The following EBF2 variants were observed in gnomAD, a reference collection of about 807,000 sequenced individuals.
EBF2 encodes the protein transcription factor COE2.
In EBF2, 21 loss-of-function variants were observed where a neutral mutation model predicts 72.8. The observed-to-expected ratio is 0.29, with a 90% CI of 0.20 to 0.42. The LOEUF (loss-of-function observed/expected upper bound fraction) is 0.42, where lower values mean the gene tolerates loss of function less well. Among genes scored for constraint, EBF2 ranks in the 10% least tolerant of loss-of-function variants. The pLI is 1.00. For missense variants in EBF2, 637 were observed against 731.2 expected (o/e 0.87, Z 1.49); for synonymous variants, 299 against 274.2 (o/e 1.09, Z -0.89).
At chr8:25,908,081 A>G (rs1452834260) in intron 7 of EBF2, among the ~76,000 whole-genome samples, 1 of 152,166 alleles carries the variant, frequency 6.6e-6, no homozygotes, top group Non-Finnish European at 1.5e-5. Context: ...TGAATAGTTA[A>G]TCGGTGGAAA....
At chr8:25,875,462 G>A (rs75936051) in intron 10 of EBF2, among the ~76,000 whole-genome samples, 3,236 of 152,234 alleles carry the variant, frequency 0.021, 138 homozygotes, top group Admixed American at 0.097. Context: ...CCCAGCGCCA[G>A]GTTCTCTCAA....
chr8:25,995,849 T>C (rs1200900586), intron 6 of EBF2, among the ~76,000 whole-genome samples: 1 of 151,888 alleles, frequency 6.6e-6, no homozygotes, highest in Non-Finnish European at 1.5e-5. Context: ...ATATTAATAA[T>C]ACATAGTAAT....
chr8:26,025,543 A>C (rs1044200119), intron 6 of EBF2, among the ~76,000 whole-genome samples: 1 of 152,136 alleles, frequency 6.6e-6, no homozygotes, highest in Non-Finnish European at 1.5e-5. Context: ...GTAATTCTTA[A>C]ATACTAACCC....
At chr8:25,984,879 A>G (rs948616234) in intron 6 of EBF2, among the ~76,000 whole-genome samples, 1 of 151,974 alleles carries the variant, frequency 6.6e-6, no homozygotes, top group African/African-American at 2.4e-5. Flanking sequence ...GTGTTCTCAA[A>G]GATTTTTATC....
chr8:25,889,977 G>A, intron 7 of EBF2, 108 bp from the exon 8 acceptor site: 1 of 885,320 alleles, frequency 1.1e-6, no homozygotes, highest in Non-Finnish European at 1.9e-6. Context: ...TTGGCAAAGG[G>A]GAGATGGGAC....
chr8:26,004,673 CAAAAAAAAAAAA>C (rs56848916), intron 6 of EBF2, among the ~76,000 whole-genome samples: 1 of 45,458 alleles, frequency 2.2e-5, no homozygotes, highest in Non-Finnish European at 3.7e-5. Flanking sequence ...AGACTGTCTC[CAAAAAAAAAAAA>C]AAAAAAAAAA....
chr8:25,933,390 G>A (rs1803516000), intron 6 of EBF2, among the ~76,000 whole-genome samples: 3 of 152,138 alleles, frequency 2.0e-5, no homozygotes, highest in Admixed American at 6.5e-5. Context: ...AAAAGGGACC[G>A]TAGCTTCACC....
chr8:26,021,526 G>A (rs1585230895), intron 6 of EBF2, among the ~76,000 whole-genome samples: 1 of 152,170 alleles, frequency 6.6e-6, no homozygotes, highest in Non-Finnish European at 1.5e-5. Flanking sequence ...AAGAAACCAG[G>A]ATTCAGATAG....
chr8:25,960,943 A>C (rs1804025017), intron 6 of EBF2, among the ~76,000 whole-genome samples: 1 of 152,206 alleles, frequency 6.6e-6, no homozygotes, highest in Non-Finnish European at 1.5e-5. Context: ...CGTAAATATA[A>C]AAATGTGTTT....
At chr8:25,928,602 C>T (rs984821901) in intron 6 of EBF2, among the ~76,000 whole-genome samples, 2 of 152,052 alleles carry the variant, frequency 1.3e-5, no homozygotes, top group African/African-American at 2.4e-5. Context: ...TCTACCAATA[C>T]GTGCCTGTTA....
chr8:25,927,991 A>C (rs1291829823), intron 6 of EBF2, among the ~76,000 whole-genome samples: 2 of 152,146 alleles, frequency 1.3e-5, no homozygotes, highest in Non-Finnish European at 2.9e-5. Flanking sequence ...ATAGAAATAT[A>C]TATATTATAA....
At chr8:25,862,055 G>A (rs1802221318) in intron 11 of EBF2, among the ~76,000 whole-genome samples, 1 of 152,060 alleles carries the variant, frequency 6.6e-6, no homozygotes, top group South Asian at 2.1e-4. Context: ...AAGCAACTCT[G>A]GTGCATAAAT....
At chr8:25,993,302 C>T (rs1383232015) in intron 6 of EBF2, among the ~76,000 whole-genome samples, 1 of 152,174 alleles carries the variant, frequency 6.6e-6, no homozygotes, top group Non-Finnish European at 1.5e-5. Context: ...TATTAGGACT[C>T]CTCTTCCCTA....
intron 6 of EBF2, among the ~76,000 whole-genome samples, chr8:25,955,238 G>A (rs1803926920): frequency 6.6e-6 from 1 of 152,226 alleles, no homozygotes; most frequent in African/African-American, 2.4e-5. Flanking sequence ...TTGCTGCCAG[G>A]CATTAAACAG....
chr8:25,987,476 A>T (rs12675395), intron 6 of EBF2, among the ~76,000 whole-genome samples: 2 of 151,736 alleles, frequency 1.3e-5, no homozygotes, highest in African/African-American at 4.8e-5. Context: ...AGTCATTTAC[A>T]CCTTCAAAAC....
chr8:25,899,512 T>A (rs1802914498), intron 7 of EBF2, among the ~76,000 whole-genome samples: 1 of 152,234 alleles, frequency 6.6e-6, no homozygotes, highest in Non-Finnish European at 1.5e-5. Flanking sequence ...TTTTACCATT[T>A]GGAGTTAATT....
At chr8:26,029,119 G>T (rs1207578064) in intron 6 of EBF2, among the ~76,000 whole-genome samples, 1 of 152,206 alleles carries the variant, frequency 6.6e-6, no homozygotes, top group Admixed American at 6.5e-5. Flanking sequence ...AGTCCTTAAT[G>T]GAGGATCCCC....
chr8:26,022,982 CA>C (rs1213851234), intron 6 of EBF2, among the ~76,000 whole-genome samples: 1 of 152,202 alleles, frequency 6.6e-6, no homozygotes, highest in Non-Finnish European at 1.5e-5. Flanking sequence ...AATTCGCAAA[CA>C]AATCATCTAG....
intron 6 of EBF2, among the ~76,000 whole-genome samples, chr8:25,983,706 C>T (rs913047507): frequency 2.0e-5 from 3 of 152,246 alleles, no homozygotes; most frequent in African/African-American, 7.2e-5. Context: ...CTGTGTATAG[C>T]CTCTGCTCAT....
Sources: allele counts gnomAD v4.1 joint callset (sites outside exome capture counted in the v4.1 genomes callset), GRCh38; gene constraint gnomAD v4.1.1; transcripts MANE v1.5; gene names NCBI Gene and HGNC (gene_info 2026-07-23, HGNC 2026-07-21).